The following ZFHX3 variants were observed in gnomAD, a reference collection of about 807,000 sequenced individuals.
The protein encoded by ZFHX3 is zinc finger homeobox protein 3.
ZFHX3 carries 42 observed loss-of-function variants against 279.1 expected under a neutral mutation model. The observed-to-expected ratio is 0.15, with a 90% CI of 0.12 to 0.19. The LOEUF is 0.19. Ranked by LOEUF, ZFHX3 falls within the 10% of genes least tolerant of loss-of-function variation. The pLI, the probability that ZFHX3 is intolerant of heterozygous loss-of-function variation, is 1.00. For missense variants in ZFHX3, 4,981 were observed against 4,754.0 expected (o/e 1.05, Z -1.40); for synonymous variants, 2,293 against 1,957.8 (o/e 1.17, Z -4.52).
chr16:73,227,435 T>A (rs2012630289), intron 5 of ZFHX3, among the ~76,000 whole-genome samples: 1 of 152,186 alleles, frequency 6.6e-6, no homozygotes, highest in South Asian at 2.1e-4. Flanking sequence ...GGAAGGAAAC[T>A]TCAATTACCA....
rs557663084 is a variant in ZFHX3 at position 72,851,358 on chromosome 16, T to A, written c.3449-21499A>T. Among the ~76,000 whole-genome samples the A allele has an allele frequency of 9.9e-5, 15 of 152,200 alleles. 1 individual carries two copies. The South Asian group carries it at 3.1e-3, about 32-fold the overall frequency. ...TCACCCAATGTGGGTGACAGGGAGA[T>A]ACCCCGACAAGGGGCTCTTCATCAG... On this transcript the variant is annotated intron_variant, in intron 4 of 9. Transcript: ENST00000268489.
chr16:73,841,685 G>T (rs1961313320), intron 1 of ZFHX3, among the ~76,000 whole-genome samples: 1 of 152,152 alleles, frequency 6.6e-6, no homozygotes, highest in Non-Finnish European at 1.5e-5. Flanking sequence ...AAGAGCAGAG[G>T]CACGGGAAGA....
At chr16:73,365,462 G>A (rs1006613457) in intron 3 of ZFHX3, among the ~76,000 whole-genome samples, 2 of 152,204 alleles carry the variant, frequency 1.3e-5, no homozygotes, top group Non-Finnish European at 2.9e-5. Context: ...TGACTTGCTA[G>A]CGATGGGGCT....
chr16:73,309,610 T>C (rs1465674536), intron 4 of ZFHX3, among the ~76,000 whole-genome samples: 2 of 152,158 alleles, frequency 1.3e-5, no homozygotes, highest in African/African-American at 2.4e-5. Context: ...TAAAGGAAGA[T>C]ACTGAAAGTT....
intron 7 of ZFHX3, among the ~76,000 whole-genome samples, chr16:73,096,461 G>T (rs576854593): frequency 6.6e-6 from 1 of 151,716 alleles, no homozygotes; most frequent in South Asian, 2.1e-4. Context: ...GGAGTGCAGT[G>T]ATGCGATCTC....
intron 2 of ZFHX3, among the ~76,000 whole-genome samples, chr16:73,617,572 T>C (rs142336292): frequency 1.3e-5 from 2 of 152,344 alleles, no homozygotes; most frequent in African/African-American, 4.8e-5. Flanking sequence ...GATATTTCCA[T>C]GAGATGTACA....
intron 5 of ZFHX3, among the ~76,000 whole-genome samples, chr16:73,221,676 C>T (rs1161238322): frequency 4.6e-5 from 7 of 152,114 alleles, no homozygotes; most frequent in Non-Finnish European, 1.0e-4. Context: ...ACATAAAGTA[C>T]TGTTTCTTTT....
chr16:73,643,006 GTT>G (rs1173154678), intron 2 of ZFHX3, among the ~76,000 whole-genome samples: 2 of 152,276 alleles, frequency 1.3e-5, no homozygotes, highest in Middle Eastern at 3.4e-3. Flanking sequence ...GAGATTTTCA[GTT>G]AAATTAATTT....
intron 4 of ZFHX3, among the ~76,000 whole-genome samples, chr16:73,288,203 T>A: frequency 7.7e-6 from 1 of 130,236 alleles, no homozygotes; most frequent in Non-Finnish European, 1.7e-5. Context: ...AGGGGGACTT[T>A]GGGGGCTGGG....
chr16:73,213,851 TC>T (rs1379593142), intron 5 of ZFHX3, among the ~76,000 whole-genome samples: 1 of 152,196 alleles, frequency 6.6e-6, no homozygotes, highest in Non-Finnish European at 1.5e-5. Flanking sequence ...ACATCAGCTG[TC>T]CTCTCAGTTT....
At chr16:73,039,698 T>C (rs959608536) in intron 1 of ZFHX3, among the ~76,000 whole-genome samples, 19 of 152,050 alleles carry the variant, frequency 1.2e-4, no homozygotes, top group African/African-American at 4.3e-4. Flanking sequence ...TATCTCTTTT[T>C]TTATTTTTTT....
intron 1 of ZFHX3, among the ~76,000 whole-genome samples, chr16:73,836,836 G>A (rs960997555): frequency 6.6e-6 from 1 of 152,178 alleles, no homozygotes; most frequent in Non-Finnish European, 1.5e-5. Context: ...TTAGGACACT[G>A]GGTTAGTTCT....
At chr16:73,643,959 G>C (rs1413529726) in intron 2 of ZFHX3, among the ~76,000 whole-genome samples, 1 of 152,036 alleles carries the variant, frequency 6.6e-6, no homozygotes, top group Non-Finnish European at 1.5e-5. Context: ...ATTGCTATCA[G>C]CTTTTGTCCT....
chr16:72,947,784 G>C (rs1567598817), intron 3 of ZFHX3, among the ~76,000 whole-genome samples: 1 of 152,150 alleles, frequency 6.6e-6, no homozygotes, highest in Non-Finnish European at 1.5e-5. Context: ...GCTGCATCTG[G>C]AGCGGTTTCT....
At chr16:72,953,602 C>T (rs1961102931) in intron 2 of ZFHX3, among the ~76,000 whole-genome samples, 1 of 151,382 alleles carries the variant, frequency 6.6e-6, no homozygotes, top group Non-Finnish European at 1.5e-5. Flanking sequence ...ACTTTAAGCT[C>T]TTTTTTTTTC....
intron 2 of ZFHX3, among the ~76,000 whole-genome samples, chr16:73,657,620 G>A (rs1205329611): frequency 6.6e-6 from 1 of 151,614 alleles, no homozygotes; most frequent in East Asian, 1.9e-4. Context: ...TTCTCCCCCA[G>A]TCCTAGTCAA....
intron 5 of ZFHX3, among the ~76,000 whole-genome samples, chr16:73,197,949 T>C (rs1567416160): frequency 7.1e-6 from 1 of 141,522 alleles, no homozygotes; most frequent in Admixed American, 7.1e-5. Context: ...TTTTTTTTTT[T>C]TTTTTTGAGA....
chr16:72,797,160 A>G lies in ZFHX3; in HGVS notation c.5522T>C (p.Val1841Ala). The G allele has an allele frequency of 1.2e-6, 2 of 1,613,704 alleles. No homozygotes were observed. Among genetic ancestry groups the G allele is most frequent in the South Asian group, 2.2e-5 (2 of 91,052 alleles). ...GATCTGCTGATGGCTCTGCTGTGGG[A>G]CCTGAACCTGAGCCTTCAGATCTTC... ...LLEDLKAQVQ[V>A]PQQSHQQILP... is the part of the protein sequence containing the mutation. Residue 1841 changes from valine to alanine, a missense_variant, in exon 9 of 10, where the codon GTC becomes GCC. Physicochemically the swap from Val to Ala is moderately conservative, Grantham distance 64 (BLOSUM62 0). Coordinates refer to ENST00000268489, the MANE Select transcript of ZFHX3 (RefSeq NM_006885.4).
intron 2 of ZFHX3, among the ~76,000 whole-genome samples, chr16:73,520,830 G>A (rs910361377): frequency 3.3e-5 from 5 of 152,014 alleles, no homozygotes; most frequent in Non-Finnish European, 7.3e-5. Flanking sequence ...CCTTTGAAGA[G>A]TTTATAAAAT....
Sources: allele counts gnomAD v4.1 joint callset (sites outside exome capture counted in the v4.1 genomes callset), GRCh38; gene constraint gnomAD v4.1.1; transcripts MANE v1.5; gene names NCBI Gene and HGNC (gene_info 2026-07-23, HGNC 2026-07-21).